Variants in DNER observed in about 807,000 individuals in gnomAD.
DNER encodes the protein delta/notch like EGF repeat containing.
A neutral mutation model predicts 78.2 loss-of-function variants in DNER; 33 were observed. The observed-to-expected ratio is 0.42, with a 90% CI of 0.32 to 0.56. DNER has a LOEUF of 0.56. Ranked by LOEUF, DNER falls within the 20% of genes least tolerant of loss-of-function variation. The probability of loss-of-function intolerance (pLI) is 0.11; values close to 1 mark genes in which losing one functional copy is unlikely to be tolerated. For synonymous variants in DNER, 417 were observed against 384.8 expected, an observed-to-expected ratio of 1.08 and a Z score of -0.98; for missense variants, 918 against 975.3, an observed-to-expected ratio of 0.94 and a Z score of 0.78.
chr2:229,425,629 C>T (rs538178749), intron 8 of DNER, among the ~76,000 whole-genome samples: 5 of 152,302 alleles, frequency 3.3e-5, no homozygotes, highest in African/African-American at 4.8e-5. Context: ...CAGGACCCAC[C>T]GGCTCTGGTT....
chr2:229,531,155 C>A (rs1044614045), intron 5 of DNER, among the ~76,000 whole-genome samples: 4 of 152,172 alleles, frequency 2.6e-5, no homozygotes, highest in Non-Finnish European at 5.9e-5. Context: ...GTCAGCTCTG[C>A]CCTAGCCTAG....
chr2:229,409,058 C>T (rs574771679), intron 9 of DNER, among the ~76,000 whole-genome samples: 11 of 152,284 alleles, frequency 7.2e-5, no homozygotes, highest in African/African-American at 2.4e-4. Flanking sequence ...ACCCAGGTTG[C>T]ATGGTAACAT....
chr2:229,549,948 T>C (rs1696699507), intron 4 of DNER, among the ~76,000 whole-genome samples: 1 of 151,684 alleles, frequency 6.6e-6, no homozygotes, highest in South Asian at 2.1e-4. Context: ...TTGCAAAACA[T>C]TAAATCTTGT....
In DNER at chr2:229,591,050, A is replaced by G. The variant is rs1390962151; in HGVS notation, c.585+530T>C. On this transcript the variant is annotated intron_variant, in intron 2 of 12. Coordinates refer to ENST00000341772, the MANE Select transcript of DNER (RefSeq NM_139072.4). The surrounding 1 kb of genome is among the most constrained non-coding windows in gnomAD (Gnocchi z 4.6). ...TGTAAGCTTCCAGAGGCTCAGCAGA[A>G]GCAGATGCTGGTGCCATGCTTTATG... Among the ~76,000 whole-genome samples, 1 of 152,234 alleles carries G rather than the reference A, an allele frequency of 6.6e-6. No individual in the cohort carries two copies. The highest frequency in any genetic ancestry group is 1.5e-5 in the Non-Finnish European group (1 of 68,032).
At chr2:229,710,990 C>CACACACACAG (rs1699904326) in intron 1 of DNER, among the ~76,000 whole-genome samples, 1 of 149,820 alleles carries the variant, frequency 6.7e-6, no homozygotes, top group African/African-American at 2.5e-5. Flanking sequence ...CGCGCACACA[C>CACACACACAG]ACACACACAC....
chr2:229,599,878 T>G (rs1356313795), intron 1 of DNER, among the ~76,000 whole-genome samples: 2 of 152,190 alleles, frequency 1.3e-5, no homozygotes, highest in South Asian at 2.1e-4. Context: ...ATGTATTTAT[T>G]TGTATGTATA....
intron 4 of DNER, among the ~76,000 whole-genome samples, chr2:229,558,059 G>A (rs1312806315): frequency 1.3e-5 from 2 of 152,198 alleles, no homozygotes; most frequent in Non-Finnish European, 2.9e-5. Flanking sequence ...AAAAAAGAAT[G>A]AGATCATGTC....
intron 1 of DNER, among the ~76,000 whole-genome samples, chr2:229,668,518 G>A (rs1200995980): frequency 5.3e-4 from 28 of 53,224 alleles, no homozygotes; most frequent in South Asian, 1.4e-3. Context: ...AGGTAAGTAT[G>A]TGTGTGTGTG....
intron 8 of DNER, among the ~76,000 whole-genome samples, chr2:229,431,913 A>G (rs1177513861): frequency 6.6e-6 from 1 of 152,254 alleles, no homozygotes; most frequent in East Asian, 1.9e-4. Context: ...ATAAAACATA[A>G]CATTCAAATA....
At chr2:229,635,890 T>C (rs1698523152) in intron 1 of DNER, among the ~76,000 whole-genome samples, 1 of 152,054 alleles carries the variant, frequency 6.6e-6, no homozygotes, top group South Asian at 2.1e-4. Context: ...TTAACTTACT[T>C]AATCCTCAAA....
chr2:229,487,523 G>T (rs1695302374), intron 6 of DNER, among the ~76,000 whole-genome samples: 1 of 152,232 alleles, frequency 6.6e-6, no homozygotes, highest in African/African-American at 2.4e-5. Context: ...GACTACTCCT[G>T]AGAAGTTGAA....
At position 229,573,464 on chromosome 2, in the gene DNER, G is replaced by A. The variant is rs183768644; in HGVS notation, c.847+12394C>T. ...AGTTTTATACCCAAGACCTTTGTGA[G>A]AAACAATTAAAACTACCATGATTTC... On this transcript the variant is annotated intron_variant, in intron 4 of 12. Transcript: ENST00000341772. Among the ~76,000 whole-genome samples, 77 of 152,240 alleles carry A rather than the reference G, an allele frequency of 5.1e-4. 1 individual carries two copies. The highest frequency in any genetic ancestry group is 1.6e-3 in the African/African-American group (66 of 41,550).
At chr2:229,643,505 A>G (rs1698663618) in intron 1 of DNER, among the ~76,000 whole-genome samples, 1 of 152,226 alleles carries the variant, frequency 6.6e-6, no homozygotes, top group South Asian at 2.1e-4. Flanking sequence ...AGATAGGAGC[A>G]CAGGCCCTGA....
At chr2:229,571,136 G>C (rs1437231535) in intron 4 of DNER, among the ~76,000 whole-genome samples, 2 of 152,110 alleles carry the variant, frequency 1.3e-5, no homozygotes, top group African/African-American at 4.8e-5. Context: ...CCGTGAAGGT[G>C]GAGAAATGAG....
intron 5 of DNER, among the ~76,000 whole-genome samples, chr2:229,520,516 C>T (rs529439332): frequency 6.6e-6 from 1 of 152,330 alleles, no homozygotes; most frequent in African/African-American, 2.4e-5. Context: ...AAAACTCTGG[C>T]TAATGAGTTG....
intron 11 of DNER, among the ~76,000 whole-genome samples, chr2:229,387,487 GAA>G (rs1317070565): frequency 2.4e-5 from 2 of 81,862 alleles, no homozygotes; most frequent in African/African-American, 9.2e-5. Flanking sequence ...GAAAGAAAAA[GAA>G]AGAAAGAAAG....
chr2:229,421,014 C>T (rs1313976534), intron 8 of DNER, among the ~76,000 whole-genome samples: 3 of 152,148 alleles, frequency 2.0e-5, no homozygotes, highest in Non-Finnish European at 2.9e-5. Flanking sequence ...GTACAAACAA[C>T]TTGATGTCCA....
At chr2:229,537,726 G>A (rs966254266) in intron 5 of DNER, among the ~76,000 whole-genome samples, 3 of 152,002 alleles carry the variant, frequency 2.0e-5, no homozygotes, top group African/African-American at 7.2e-5. Flanking sequence ...TATCCTTTGG[G>A]AGGTCATTTT....
intron 6 of DNER, among the ~76,000 whole-genome samples, chr2:229,512,354 G>T (rs1364971650): frequency 6.9e-6 from 1 of 143,932 alleles, no homozygotes; most frequent in East Asian, 2.0e-4. Context: ...TTGCACTCCA[G>T]ACTGGGAAAG....
Sources: allele counts gnomAD v4.1 joint callset (sites outside exome capture counted in the v4.1 genomes callset), GRCh38; gene constraint gnomAD v4.1.1; non-coding constraint Gnocchi (gnomAD v3.1); transcripts MANE v1.5; gene names NCBI Gene and HGNC (gene_info 2026-07-23, HGNC 2026-07-21).